The following MYO9B variants were observed in gnomAD, a reference collection of about 807,000 sequenced individuals.
MYO9B encodes myosin IXB.
Under a neutral mutation model 229.5 loss-of-function variants are expected in MYO9B, and 71 were observed. The ratio of observed to expected loss-of-function variants is 0.31; its 90% CI spans 0.26 to 0.38. The LOEUF is 0.38. Ranked by LOEUF, MYO9B falls within the 10% of genes least tolerant of loss-of-function variation. The probability of loss-of-function intolerance (pLI) is 1.00; values close to 1 mark genes in which losing one functional copy is unlikely to be tolerated. For synonymous variants in MYO9B, 1,185 were observed against 1,235.8 expected (o/e 0.96, Z 0.86); for missense variants, 2,255 against 2,920.5 (o/e 0.77, Z 5.25).
chr19:17,191,272 G>A (rs889854648), intron 20 of MYO9B, 53 bp downstream of exon 20: 81 of 1,566,456 alleles, frequency 5.2e-5, no homozygotes, highest in Non-Finnish European at 6.4e-5. Flanking sequence ...GCCTTCCACC[G>A]CACACCGTGT....
At chr19:17,175,177 G>C (rs901054314) in intron 13 of MYO9B, among the ~76,000 whole-genome samples, 1 of 151,268 alleles carries the variant, frequency 6.6e-6, no homozygotes, top group Non-Finnish European at 1.5e-5. Context: ...GGAGGCTGAA[G>C]TAGGAGGATT....
intron 14 of MYO9B, 43 bp from the exon 15 acceptor site, chr19:17,180,884 C>A: frequency 1.4e-6 from 2 of 1,391,188 alleles, no homozygotes; most frequent in Non-Finnish European, 2.0e-6. Context: ...CTTCTAACTC[C>A]ATCTTCTTTC....
intron 14 of MYO9B, among the ~76,000 whole-genome samples, chr19:17,179,404 T>C (rs908750112): frequency 6.7e-6 from 1 of 149,856 alleles, no homozygotes; most frequent in African/African-American, 2.5e-5. Context: ...GTCTTTTTTC[T>C]GAGTCGCCCC....
intron 2 of MYO9B, among the ~76,000 whole-genome samples, chr19:17,118,639 G>C (rs761351013): frequency 6.6e-6 from 1 of 151,766 alleles, no homozygotes; most frequent in African/African-American, 2.4e-5. Context: ...GCGCCATCAC[G>C]CCCACCTGAT....
chr19:17,180,083 A>C (rs990970361), intron 14 of MYO9B, among the ~76,000 whole-genome samples: 1 of 150,374 alleles, frequency 6.7e-6, no homozygotes, highest in African/African-American at 2.4e-5. Flanking sequence ...AAATACAAAA[A>C]TTAGCCGGGC....
rs201515312 is a variant in MYO9B, at chr19:17,194,724, G to A, written c.3297G>A (p.Ser1099=). 177 of 1,612,946 alleles carry A rather than the reference G, an allele frequency of 1.1e-4. 1 individual carries two copies. In the East Asian group the frequency reaches 2.5e-3, roughly 23 times the overall value. The change falls in exon 22 of 40, where the codon TCG becomes TCA. Residue 1099 remains serine (S), a synonymous_variant. Coordinates refer to ENST00000682292, the MANE Select transcript of MYO9B (RefSeq NM_004145.4). ...EPAEDGGHLA[S]EPEVQPSDRS... ...CGGAGGATGGCGGGCACCTGGCATC[G>A]GAGCCTGAGGTGCAGCCAAGTGACA...
chr19:17,194,893 C>T lies in MYO9B; in HGVS notation c.3466C>T (p.Leu1156=). The change falls in exon 22 of 40, where the codon CTG becomes TTG. Residue 1156 remains leucine (L), a synonymous_variant. Transcript: ENST00000682292. Reference sequence around the variant, plus strand: ...GCGTGAGTCGCGTCGGCAAAGAGGGCTGGAGCACGTCAAGTTCCAGAACAA... The same window carrying T: ...GCGTGAGTCGCGTCGGCAAAGAGGGTTGGAGCACGTCAAGTTCCAGAACAA... The part of the protein sequence containing the change: ...EKRESRRQRG[L]EHVKFQNKHI... 6.2e-7 allele frequency: 1 copy of T among 1,613,400 alleles called. No individual in the cohort carries two copies. Among genetic ancestry groups the T allele is most frequent in the Non-Finnish European group, 8.5e-7 (1 of 1,179,896 alleles).
chr19:17,187,041 T>C (rs962871477), intron 18 of MYO9B, among the ~76,000 whole-genome samples: 1 of 152,176 alleles, frequency 6.6e-6, no homozygotes, highest in East Asian at 1.9e-4. Flanking sequence ...TTTGTCTTTA[T>C]AGCAACACCA....
Position 17,175,623 on chromosome 19 carries a change from G to C in MYO9B, c.2141-40G>C, listed in dbSNP as rs762494060. On this transcript the variant is annotated intron_variant, in intron 13 of 39. Coordinates refer to ENST00000682292, the MANE Select transcript of MYO9B (RefSeq NM_004145.4). ...GTTAAAATAATTGCAGCCTCCATAGGAGGCCATCCCCACCACCATCCACTC... is the reference window on the plus strand; with the variant it reads ...GTTAAAATAATTGCAGCCTCCATAGCAGGCCATCCCCACCACCATCCACTC... 49 of 1,474,918 alleles carry C rather than the reference G, an allele frequency of 3.3e-5. No homozygotes were observed. The East Asian group carries it at 9.7e-4, about 29-fold the overall frequency. The allele number at this position is 1,474,918 out of a possible 1,614,324, so 91.4% of individuals were successfully genotyped here.
At chr19:17,211,549 C>CA in intron 38 of MYO9B, 98 bp from the exon 39 acceptor site, 3 of 1,190,994 alleles carry the variant, frequency 2.5e-6, no homozygotes, top group Non-Finnish European at 3.5e-6. Flanking sequence ...GTTGGGGACA[C>CA]AGAGTTACAT....
At chr19:17,117,490 C>T (rs933985132) in intron 2 of MYO9B, among the ~76,000 whole-genome samples, 10 of 152,170 alleles carry the variant, frequency 6.6e-5, no homozygotes, top group African/African-American at 2.4e-4. Context: ...CACGTGGTTC[C>T]TCCTGGTAAA....
intron 7 of MYO9B, among the ~76,000 whole-genome samples, chr19:17,158,700 C>T (rs11672280): frequency 0.081 from 12,279 of 152,124 alleles, 644 homozygotes; most frequent in Middle Eastern, 0.14. Context: ...GAGGGATGAG[C>T]GTGTCGGCTG....
In MYO9B at chr19:17,211,988, T is replaced by A. The variant is rs2073235808; in HGVS notation, c.6152T>A (p.Phe2051Tyr). Residue 2051 changes from phenylalanine (F) to tyrosine (Y), a missense_variant, in exon 40 of 40, where the codon TTC becomes TAC. By Grantham distance (22) the Phe-to-Tyr change is conservative. Transcript: ENST00000682292. ...AAPPRRRPSS[F>Y]VTVRVKTPRR... is the part of the protein sequence containing the mutation. ...CCTCCACGACGAAGGCCGTCGTCCT[T>A]CGTAACGGTCAGAGTGAAGACCCCC... 6.5e-7 allele frequency: 1 copy of A among 1,546,072 alleles called. No homozygotes were observed. The highest frequency in any genetic ancestry group is 8.8e-7 in the Non-Finnish European group (1 of 1,141,856).
rs2072737149 is a variant in MYO9B, at chr19:17,172,608, A to G, written c.1935+131A>G. ...GAACCCACCGCGAATCCCCGGCTCC[A>G]ATGTCCAAGGCGCCATAGTTCAAGA... On this transcript the variant is annotated intron_variant, in intron 12 of 39. Transcript: ENST00000682292. This position sits in a 1 kb window ranked among gnomAD's most constrained non-coding sequence, Gnocchi z 8.2. 2.1e-6 allele frequency: 3 copies of G among 1,456,756 alleles called. No homozygotes were observed. Among genetic ancestry groups the G allele is most frequent in the Non-Finnish European group, 2.8e-6 (3 of 1,070,698 alleles). The allele number at this position is 1,456,756 out of a possible 1,614,324, so 90.2% of individuals were successfully genotyped here. A position where few individuals can be genotyped will look rare whatever the true frequency, so the allele number is the denominator to read the frequency against.
At chr19:17,210,432 G>T in intron 37 of MYO9B, 52 bp downstream of exon 37, 1 of 1,519,256 alleles carries the variant, frequency 6.6e-7, no homozygotes, top group Non-Finnish European at 8.9e-7. Flanking sequence ...TGCAGTGCAT[G>T]CTGGGGTTCC....
At chr19:17,108,753 AT>A (rs1170686686) in intron 2 of MYO9B, among the ~76,000 whole-genome samples, 1 of 152,066 alleles carries the variant, frequency 6.6e-6, no homozygotes, top group Non-Finnish European at 1.5e-5. Context: ...GTCTTGCTCT[AT>A]CGCCCAGGCT....
At chr19:17,133,483 G>T (rs933421888) in intron 2 of MYO9B, among the ~76,000 whole-genome samples, 11 of 151,996 alleles carry the variant, frequency 7.2e-5, no homozygotes, top group Non-Finnish European at 1.5e-4. Context: ...TTGAGACAGG[G>T]TCTCGCTCTG....
chr19:17,116,070 G>A (rs1300847711), intron 2 of MYO9B, among the ~76,000 whole-genome samples: 1 of 152,230 alleles, frequency 6.6e-6, no homozygotes, highest in East Asian at 1.9e-4. Context: ...TTTGGGACCT[G>A]GCTAGGCTGG....
At chr19:17,090,880 C>T (rs76806236) in intron 1 of MYO9B, among the ~76,000 whole-genome samples, 9,819 of 152,248 alleles carry the variant, frequency 0.064, 341 homozygotes, top group South Asian at 0.11. Context: ...CATCCCCAAT[C>T]TGCTTCCTTC....
Sources: allele counts gnomAD v4.1 joint callset (sites outside exome capture counted in the v4.1 genomes callset), GRCh38; gene constraint gnomAD v4.1.1; non-coding constraint Gnocchi (gnomAD v3.1); transcripts MANE v1.5; gene names NCBI Gene and HGNC (gene_info 2026-07-23, HGNC 2026-07-21).